The following SBNO2 variants were observed in gnomAD, a reference collection of about 807,000 sequenced individuals.
SBNO2 encodes strawberry notch homolog 2, also known as protein strawberry notch homolog 2.
Under a neutral mutation model 146.3 loss-of-function variants are expected in SBNO2, and 89 were observed. The observed-to-expected ratio is 0.61, with a 90% CI of 0.51 to 0.73. The LOEUF is 0.73. Ranked by LOEUF, SBNO2 falls within the 30% of genes least tolerant of loss-of-function variation. SBNO2 has a pLI of 0.00. For missense variants in SBNO2, 2,092 were observed against 2,003.7 expected (o/e 1.04, Z -0.84); for synonymous variants, 1,147 against 892.6 (o/e 1.29, Z -5.08).
Position 1,110,958 on chromosome 19 carries a change from G to A in SBNO2, c.2884+61C>T. The A allele has an allele frequency of 8.1e-6, 13 of 1,610,700 alleles. No individual in the cohort carries two copies. Among genetic ancestry groups the A allele is most frequent in the Non-Finnish European group, 1.1e-5 (13 of 1,177,838 alleles). ...TCTCCCTGCTTTGCTCACCACCCGA[G>A]GCCAAGGTTGCATGAGATGAGAGAC... On this transcript the variant is annotated intron_variant, in intron 25 of 31. Coordinates refer to ENST00000361757, the MANE Select transcript of SBNO2 (RefSeq NM_014963.3). The surrounding 1 kb of genome is among the most constrained non-coding windows in gnomAD (Gnocchi z 4.9).
At chr19:1,147,493 C>G in intron 3 of SBNO2, 73 bp from the exon 4 acceptor site, 1 of 864,900 alleles carries the variant, frequency 1.2e-6, no homozygotes, top group Non-Finnish European at 1.7e-6. Flanking sequence ...ACCTGCACCC[C>G]CATGGCCGCA....
intron 4 of SBNO2, chr19:1,128,271 G>A (rs756122960): frequency 1.3e-5 from 6 of 470,008 alleles, no homozygotes; most frequent in Non-Finnish European, 2.5e-5. Flanking sequence ...GGTCTGGGGT[G>A]AGCCTGGTGC....
rs930336753 is a variant in SBNO2, at chr19:1,150,804, C to T, written c.94-1362G>A. Among the ~76,000 whole-genome samples, 3 of 152,196 alleles carry T rather than the reference C, an allele frequency of 2.0e-5. No homozygotes were observed. The highest frequency in any genetic ancestry group is 4.4e-5 in the Non-Finnish European group (3 of 68,028). ...CTGGCTGGGAACCAGCCCGGATGGC[C>T]GGGGGCCACTTTCTGTACCCGCAGG... On this transcript the variant is annotated intron_variant, in intron 2 of 31. Transcript: ENST00000361757. This position sits in a 1 kb window ranked among gnomAD's most constrained non-coding sequence, Gnocchi z 6.2.
chr19:1,133,915 C>T (rs1178341136), intron 4 of SBNO2, among the ~76,000 whole-genome samples: 5 of 152,200 alleles, frequency 3.3e-5, no homozygotes, highest in Admixed American at 1.3e-4. Flanking sequence ...TCAAAAGAGG[C>T]GAATGGGGAG....
chr19:1,121,049 G>A (rs1168793979), intron 11 of SBNO2, among the ~76,000 whole-genome samples: 3 of 152,150 alleles, frequency 2.0e-5, no homozygotes, highest in Non-Finnish European at 4.4e-5. Flanking sequence ...GCACCACCAC[G>A]CCCAGCTAAC....
rs1280465379 is a variant in SBNO2 at position 1,109,911 on chromosome 19, C to G, written c.3029-134G>C. ...CAGGAGAGGGTGTCCTGGATCCTGG[C>G]CTGACCTGGCCCAGCGTGGGGATGG... On this transcript the variant is annotated intron_variant, in intron 26 of 31. Coordinates refer to ENST00000361757, the MANE Select transcript of SBNO2 (RefSeq NM_014963.3). This position sits in a 1 kb window ranked among gnomAD's most constrained non-coding sequence, Gnocchi z 4.2. 6.1e-6 allele frequency: 4 copies of G among 657,554 alleles called. No individual in the cohort carries two copies. Among genetic ancestry groups the G allele is most frequent in the African/African-American group, 5.5e-5 (3 of 54,880 alleles). 40.7% of individuals were successfully genotyped at this position (657,554 alleles called of 1,614,324 possible).
At chr19:1,146,338 C>G (rs1391507798) in intron 4 of SBNO2, among the ~76,000 whole-genome samples, 2 of 152,094 alleles carry the variant, frequency 1.3e-5, no homozygotes, top group African/African-American at 2.4e-5. Flanking sequence ...CGGGGTCCAC[C>G]CGGCGAGCTG....
chr19:1,138,335 G>T (rs1321490000), intron 4 of SBNO2, among the ~76,000 whole-genome samples: 2 of 151,676 alleles, frequency 1.3e-5, no homozygotes, highest in Non-Finnish European at 1.5e-5. Flanking sequence ...CTGGAGCAGG[G>T]GACCCACGGG....
intron 4 of SBNO2, 122 bp downstream of exon 4, chr19:1,147,187 G>A: frequency 4.6e-6 from 3 of 656,128 alleles, no homozygotes; most frequent in South Asian, 3.8e-5. Flanking sequence ...TGCGGCCGAG[G>A]GGCCAAGCCG....
intron 1 of SBNO2, among the ~76,000 whole-genome samples, chr19:1,162,000 C>G (rs943978499): frequency 6.9e-6 from 1 of 145,138 alleles, no homozygotes; most frequent in Non-Finnish European, 1.5e-5. Context: ...CGTCCTGGCC[C>G]AAGGTGAGCG....
At chr19:1,159,770 G>A (rs1431042598) in intron 1 of SBNO2, among the ~76,000 whole-genome samples, 17 of 107,782 alleles carry the variant, frequency 1.6e-4, no homozygotes, top group Non-Finnish European at 2.9e-4. Context: ...TGGGGACAGC[G>A]GGGGGCAGTG....
intron 1 of SBNO2, among the ~76,000 whole-genome samples, chr19:1,167,121 T>C (rs529713218): frequency 2.0e-5 from 3 of 152,368 alleles, no homozygotes; most frequent in Admixed American, 6.5e-5. Context: ...CCAAGACCGC[T>C]TAGAGCGAGA....
chr19:1,156,586 G>A (rs574612650), intron 1 of SBNO2, among the ~76,000 whole-genome samples: 27 of 152,222 alleles, frequency 1.8e-4, no homozygotes, highest in Admixed American at 9.2e-4. Flanking sequence ...ACAGCCACCC[G>A]AGGAAGCAGC....
In SBNO2 at chr19:1,127,646, G is replaced by A. The variant is rs2079981091; in HGVS notation, c.399C>T (p.Ser133=). The A allele has an allele frequency of 2.5e-6, 4 of 1,613,346 alleles. No homozygotes were observed. The highest frequency in any genetic ancestry group is 3.4e-6 in the Non-Finnish European group (4 of 1,179,874). Residue 133 remains serine, a synonymous_variant, in exon 5 of 32, where the codon TCC becomes TCT. Coordinates refer to ENST00000361757, the MANE Select transcript of SBNO2 (RefSeq NM_014963.3). ...GGGCAGGGTTATCGTCCCAGATGGTGGACACCTGGTTGAGGCTGTCAGCCG... is the reference window on the plus strand; with the variant it reads ...GGGCAGGGTTATCGTCCCAGATGGTAGACACCTGGTTGAGGCTGTCAGCCG... The part of the protein sequence containing the change: ...FLPADSLNQV[S]TIWDDNPAPS...
At chr19:1,171,852 G>A (rs1297002368) in intron 1 of SBNO2, among the ~76,000 whole-genome samples, 1 of 152,158 alleles carries the variant, frequency 6.6e-6, no homozygotes, top group South Asian at 2.1e-4. Context: ...ATGGTCACGC[G>A]GCTGGAGAAC....
At chr19:1,159,359 C>A (rs1487292464) in intron 1 of SBNO2, among the ~76,000 whole-genome samples, 1 of 150,838 alleles carries the variant, frequency 6.6e-6, no homozygotes, top group Non-Finnish European at 1.5e-5. Context: ...GCGCTTCGTC[C>A]CTCAACATGG....
chr19:1,147,541 G>A (rs527569282), intron 3 of SBNO2, 121 bp from the exon 4 acceptor site: 109 of 565,892 alleles, frequency 1.9e-4, no homozygotes, highest in African/African-American at 1.8e-3. Flanking sequence ...AGTGTGCCCA[G>A]CCCGGCAGGA....
chr19:1,149,496 C>A, intron 2 of SBNO2, 54 bp from the exon 3 acceptor site: 1 of 1,489,326 alleles, frequency 6.7e-7, no homozygotes, highest in Admixed American at 2.0e-5. Flanking sequence ...TGCGGTGCAG[C>A]CCGGCTAAGC....
At position 1,119,502 on chromosome 19, in the gene SBNO2, A is replaced by G. The variant is rs763472135; in HGVS notation, c.1373+14T>C. 6.2e-6 allele frequency: 8 copies of G among 1,287,950 alleles called. No individual in the cohort carries two copies. Among genetic ancestry groups the G allele is most frequent in the Non-Finnish European group, 3.3e-6 (3 of 896,206 alleles). 79.8% of individuals were successfully genotyped at this position (1,287,950 alleles called of 1,614,324 possible). The stretch of plus-strand genomic sequence containing the variant: ...CCCCCGCCGCCCCTCCACGTGGGTG[A>G]GAAGGGCACTCACCTCTTCTCGATG... On this transcript the variant is annotated intron_variant, in intron 13 of 31. Coordinates refer to ENST00000361757, the MANE Select transcript of SBNO2 (RefSeq NM_014963.3).
Sources: allele counts gnomAD v4.1 joint callset (sites outside exome capture counted in the v4.1 genomes callset), GRCh38; gene constraint gnomAD v4.1.1; non-coding constraint Gnocchi (gnomAD v3.1); transcripts MANE v1.5; gene names NCBI Gene and HGNC (gene_info 2026-07-23, HGNC 2026-07-21).